Variants in TEX11 observed in about 807,000 individuals in gnomAD.
TEX11 encodes testis expressed 11.
Under a neutral mutation model 84.4 loss-of-function variants are expected in TEX11, and 7 were observed. That is an observed-to-expected ratio of 0.08 (90% CI 0.05 to 0.16). TEX11 has a LOEUF of 0.16. Ranked by LOEUF, TEX11 falls within the 10% of genes least tolerant of loss-of-function variation. The probability of loss-of-function intolerance (pLI) is 1.00; values close to 1 mark genes in which losing one functional copy is unlikely to be tolerated. For missense variants in TEX11, 551 were observed against 660.5 expected (o/e 0.83, Z 1.82); for synonymous variants, 264 against 222.8 (o/e 1.18, Z -1.64).
At chrX:70,672,605 C>A (rs1407012568) in intron 15 of TEX11, among the ~76,000 whole-genome samples, 2 of 111,290 alleles carry the variant, frequency 1.8e-5, no homozygotes, top group Non-Finnish European at 3.8e-5. Flanking sequence ...ACTCATAAGT[C>A]ATCTTTTTTG....
Position 70,831,499 on chromosome X carries a change from C to T in TEX11, c.606+2014G>A, listed in dbSNP as rs1186386203. On this transcript the variant is annotated intron_variant, in intron 8 of 29. Transcript: ENST00000374333. ...AAACAACTAGCCAGCCTTGGTGGCACGCACCTGTAGTCCCAGCTACTCGAG... is the reference window on the plus strand; with the variant it reads ...AAACAACTAGCCAGCCTTGGTGGCATGCACCTGTAGTCCCAGCTACTCGAG... Among the ~76,000 whole-genome samples, 6 of 111,072 alleles carry T rather than the reference C, an allele frequency of 5.4e-5. No homozygotes were observed. The East Asian group carries it at 1.1e-3, about 21-fold the overall frequency.
chrX:70,721,357 T>C (rs2090557706), intron 13 of TEX11, among the ~76,000 whole-genome samples: 1 of 111,752 alleles, frequency 8.9e-6, no homozygotes, highest in African/African-American at 3.2e-5. Flanking sequence ...AGCTTTATTA[T>C]ACACTTGAAT....
intron 7 of TEX11, among the ~76,000 whole-genome samples, chrX:70,840,879 A>C (rs943324856): frequency 2.7e-5 from 3 of 111,481 alleles, no homozygotes; most frequent in East Asian, 2.8e-4. Context: ...AAAAGAGACA[A>C]AGAAGGCCAT....
At chrX:70,821,837 A>G (rs1224373357) in intron 8 of TEX11, among the ~76,000 whole-genome samples, 1 of 111,754 alleles carries the variant, frequency 8.9e-6, no homozygotes, top group East Asian at 2.8e-4. Context: ...AAATCTGTAC[A>G]ATCATTATGC....
the TEX11 span, among the ~76,000 whole-genome samples, chrX:70,517,562 G>A: frequency 9.0e-6 from 1 of 111,128 alleles, no homozygotes; most frequent in African/African-American, 3.3e-5. Context: ...ATGTTCACCA[G>A]GGATATTGGT....
At chrX:70,819,682 TA>T (rs1446877787) in intron 8 of TEX11, among the ~76,000 whole-genome samples, 4 of 111,323 alleles carry the variant, frequency 3.6e-5, no homozygotes, top group Non-Finnish European at 7.5e-5. Flanking sequence ...TCGAGAATCC[TA>T]AAAACTCAAC....
At position 70,607,012 on chromosome X, in the gene TEX11, G is replaced by T; in HGVS notation, c.1897C>A (p.Gln633Lys). 8.4e-7 allele frequency: 1 copy of T among 1,192,406 alleles called. No homozygotes were observed. Among genetic ancestry groups the T allele is most frequent in the African/African-American group, 1.8e-5 (1 of 56,845 alleles). Residue 633 changes from glutamine to lysine, a missense_variant, in exon 23 of 30, where the codon CAA (glutamine) becomes AAA (lysine). Coordinates refer to ENST00000374333, the MANE Select transcript of TEX11 (RefSeq NM_031276.3). ...FRKTAWNLAVQCDKDPVMMRE... is the reference protein window; with the variant it reads ...FRKTAWNLAVKCDKDPVMMRE... ...ATCATCACTGGATCTTTGTCACATT[G>T]CACAGCCAAGTTCCAAGCTGGAAAT...
At chrX:70,612,856 A>C (rs2089277164) in intron 20 of TEX11, among the ~76,000 whole-genome samples, 1 of 111,586 alleles carries the variant, frequency 9.0e-6, no homozygotes, top group Admixed American at 9.5e-5. Context: ...GACAAATGAC[A>C]AAAAAAGACA....
At chrX:70,552,087 T>C (rs1177859350) in intron 28 of TEX11, 39 bp downstream of exon 28, 5 of 1,191,481 alleles carry the variant, frequency 4.2e-6, no homozygotes, top group South Asian at 1.9e-5. Context: ...TTCAGTTCTT[T>C]AAAATTAACT....
intron 3 of TEX11, among the ~76,000 whole-genome samples, chrX:70,875,525 G>A (rs768050691): frequency 4.9e-4 from 53 of 107,568 alleles, no homozygotes; most frequent in African/African-American, 1.8e-3. Context: ...GATCACTTGA[G>A]GTCAAGAGTT....
intron 25 of TEX11, among the ~76,000 whole-genome samples, chrX:70,563,466 A>G (rs2088404918): frequency 8.9e-6 from 1 of 111,867 alleles, no homozygotes; most frequent in Admixed American, 9.5e-5. Flanking sequence ...AAAAGAACAT[A>G]TTGTCTTTAA....
At chrX:70,538,820 A>G (rs2087995345) in intron 28 of TEX11, among the ~76,000 whole-genome samples, 1 of 108,047 alleles carries the variant, frequency 9.3e-6, no homozygotes. Context: ...ATTAGTTTCC[A>G]GTTCTAAATT....
intron 7 of TEX11, among the ~76,000 whole-genome samples, chrX:70,843,536 A>G (rs1298484081): frequency 8.9e-6 from 1 of 111,968 alleles, no homozygotes; most frequent in Non-Finnish European, 1.9e-5. Context: ...ACCATTCAGG[A>G]CATAGGCATG....
intron 7 of TEX11, among the ~76,000 whole-genome samples, chrX:70,838,944 C>T (rs953084536): frequency 5.3e-5 from 6 of 112,168 alleles, no homozygotes; most frequent in African/African-American, 1.9e-4. Flanking sequence ...GGGAGGGGCA[C>T]CCACCATTGC....
chrX:70,750,813 C>T (rs1489198330), intron 9 of TEX11, among the ~76,000 whole-genome samples: 1 of 98,569 alleles, frequency 1.0e-5, no homozygotes, highest in Admixed American at 1.1e-4. Context: ...GGAGATATAC[C>T]TAATGCTAGA....
intron 4 of TEX11, among the ~76,000 whole-genome samples, chrX:70,864,459 G>A (rs756327616): frequency 2.7e-5 from 3 of 110,101 alleles, no homozygotes; most frequent in South Asian, 7.9e-4. Context: ...AATTTTCAGC[G>A]GGGTGCAGTG....
At chrX:70,692,958 C>A (rs1169102100) in intron 13 of TEX11, among the ~76,000 whole-genome samples, 2 of 111,670 alleles carry the variant, frequency 1.8e-5, no homozygotes, top group African/African-American at 6.5e-5. Flanking sequence ...AAAATTCCAA[C>A]TTCTGGCAGG....
At chrX:70,579,689 C>T (rs62608034) in intron 25 of TEX11, among the ~76,000 whole-genome samples, 8,422 of 111,319 alleles carry the variant, frequency 0.076, 311 homozygotes, top group Non-Finnish European at 0.11. Flanking sequence ...AGCAAAGGAT[C>T]TGAATAGACA....
At chrX:70,707,315 C>T (rs1220873548) in intron 13 of TEX11, among the ~76,000 whole-genome samples, 1 of 110,219 alleles carries the variant, frequency 9.1e-6, no homozygotes, top group Non-Finnish European at 1.9e-5. Flanking sequence ...ACTCTCTTTC[C>T]AGTAAGACTT....
Sources: gnomAD v4.1 joint callset for allele counts (sites outside exome capture counted in the v4.1 genomes callset) on GRCh38, gnomAD v4.1.1 for gene constraint, MANE v1.5 for transcripts, NCBI Gene and HGNC (gene_info 2026-07-23, HGNC 2026-07-21) for gene names.